The following SPATA22 variants were observed in gnomAD, a reference collection of about 807,000 sequenced individuals.
SPATA22 encodes the protein spermatogenesis associated 22.
In SPATA22, 29 loss-of-function variants were observed where a neutral mutation model predicts 47.8. The observed-to-expected ratio is 0.61, with a 90% CI of 0.45 to 0.83. The LOEUF is 0.83. Ranked by LOEUF, SPATA22 falls within the 40% of genes least tolerant of loss-of-function variation. The pLI, the probability that SPATA22 is intolerant of heterozygous loss-of-function variation, is 0.00. For synonymous variants in SPATA22, 133 were observed against 140.9 expected (o/e 0.94, Z 0.40); for missense variants, 410 against 421.7 (o/e 0.97, Z 0.24).
intron 8 of SPATA22, chr17:3,440,901 G>C (rs1422100693): frequency 6.6e-6 from 1 of 151,934 alleles, no homozygotes; most frequent in Non-Finnish European, 1.5e-5. Context: ...AAGAAACTGA[G>C]CAGAGATTTC....
chr17:3,504,747 CG>C (rs1341738718), intron 1 of SPATA22, among the ~76,000 whole-genome samples: 3 of 151,906 alleles, frequency 2.0e-5, no homozygotes, highest in Non-Finnish European at 2.9e-5. Flanking sequence ...TTAGTAGAGA[CG>C]GGGTTTCTCC....
chr17:3,498,245 C>T (rs2073940159), intron 1 of SPATA22, among the ~76,000 whole-genome samples: 1 of 152,228 alleles, frequency 6.6e-6, no homozygotes, highest in Non-Finnish European at 1.5e-5. Flanking sequence ...GAGCTGGCAA[C>T]AGGCAGACTA....
chr17:3,441,960 A>G (rs749919809), intron 8 of SPATA22: 1 of 152,078 alleles, frequency 6.6e-6, no homozygotes, highest in African/African-American at 2.4e-5. Context: ...AATTGATGAC[A>G]TTAAAAGTCA....
At chr17:3,509,368 CAT>C (rs1450990275) in intron 1 of SPATA22, among the ~76,000 whole-genome samples, 2 of 152,118 alleles carry the variant, frequency 1.3e-5, no homozygotes, top group Non-Finnish European at 2.9e-5. Flanking sequence ...TCTCTGTGTC[CAT>C]ATGTTCTCAA....
At chr17:3,489,632 T>C (rs917123244) in intron 1 of SPATA22, among the ~76,000 whole-genome samples, 1 of 152,122 alleles carries the variant, frequency 6.6e-6, no homozygotes, top group African/African-American at 2.4e-5. Flanking sequence ...CACTAGTAAT[T>C]AGAGAAATGC....
At chr17:3,470,594 C>CA (rs571350853) in intron 1 of SPATA22, among the ~76,000 whole-genome samples, 12 of 150,940 alleles carry the variant, frequency 8.0e-5, no homozygotes, top group African/African-American at 1.9e-4. Flanking sequence ...CTAAAAAATA[C>CA]AAAAAAATTA....
chr17:3,483,658 A>G, intron 1 of SPATA22: 2 of 1,435,496 alleles, frequency 1.4e-6, no homozygotes, highest in Non-Finnish European at 9.8e-7. Flanking sequence ...AGAGAAATTT[A>G]TTTTTTATCT....
At chr17:3,472,529 A>T (rs543731242), upstream of SPATA22, 4 of 152,372 alleles carry the variant, frequency 2.6e-5, no homozygotes, top group East Asian at 7.7e-4. Context: ...TCGCCCTAAA[A>T]ATACTAGAAG....
Position 3,462,590 on chromosome 17 carries a change from A to C in SPATA22, c.234-12T>G, listed in dbSNP as rs985126237. 6.2e-7 allele frequency: 1 copy of C among 1,606,642 alleles called. No individual in the cohort carries two copies. The highest frequency in any genetic ancestry group is 1.3e-5 in the African/African-American group (1 of 74,788). On this transcript the variant is annotated splice_polypyrimidine_tract_variant and intron_variant, in intron 4 of 8. Coordinates refer to ENST00000572969, the MANE Select transcript of SPATA22 (RefSeq NM_001170698.2). ...AATGTGGTATTTGCCTTTCAAGGGA[A>C]TATGTCTTGTTAAATATTAATAGTT...
intron 1 of SPATA22, chr17:3,494,558 T>G (rs1412640824): frequency 2.0e-6 from 2 of 982,802 alleles, no homozygotes; most frequent in Admixed American, 3.5e-5. Flanking sequence ...ATTCGCCCAT[T>G]TGATGCTCTC....
intron 5 of SPATA22, among the ~76,000 whole-genome samples, chr17:3,460,033 G>C (rs996791788): frequency 2.0e-5 from 3 of 152,144 alleles, no homozygotes; most frequent in Non-Finnish European, 4.4e-5. Context: ...AAACAATTCT[G>C]GGTGAATCAG....
chr17:3,462,736 C>T lies in SPATA22; in HGVS notation c.204G>A (p.Leu68=). Residue 68 remains leucine (L), a synonymous_variant, in exon 4 of 9, where the codon TTG becomes TTA. Transcript: ENST00000572969. Reference sequence around the variant, plus strand: ...TGTCCACTGTTTTCATTACAGGAGCCAACTCTGGATTCACAGCTTCCCAGG... The same window carrying T: ...TGTCCACTGTTTTCATTACAGGAGCTAACTCTGGATTCACAGCTTCCCAGG... The part of the protein sequence containing the change: ...DWAWEAVNPE[L]APVMKTVDTG... 1 of 1,613,526 alleles carries T rather than the reference C, an allele frequency of 6.2e-7. No homozygotes were observed. The highest frequency in any genetic ancestry group is 1.1e-5 in the South Asian group (1 of 91,058).
chr17:3,464,885 G>A (rs867657880), intron 3 of SPATA22, among the ~76,000 whole-genome samples: 1,115 of 79,350 alleles, frequency 0.014, 10 homozygotes, highest in Non-Finnish European at 0.027. Flanking sequence ...TCTGGGAGGG[G>A]GGTGGGGGGG....
chr17:3,506,886 A>G (rs1053581054), intron 1 of SPATA22, among the ~76,000 whole-genome samples: 10 of 152,034 alleles, frequency 6.6e-5, no homozygotes, highest in Admixed American at 2.0e-4. Flanking sequence ...GGTTGCAGTG[A>G]GCCGAGATCA....
chr17:3,470,943 T>G (rs976587245), intron 1 of SPATA22, among the ~76,000 whole-genome samples: 2 of 151,752 alleles, frequency 1.3e-5, no homozygotes, highest in Non-Finnish European at 2.9e-5. Context: ...TCACCTGAGG[T>G]CGGGAGTTCA....
At chr17:3,495,382 A>C (rs1047756524) in intron 1 of SPATA22, among the ~76,000 whole-genome samples, 12 of 152,256 alleles carry the variant, frequency 7.9e-5, no homozygotes, top group East Asian at 5.8e-4. Context: ...GGATTGAAAA[A>C]CACTGATTGA....
chr17:3,502,842 G>C (rs4790500), intron 1 of SPATA22: 146,908 of 152,328 alleles, frequency 0.96, 71,062 homozygotes, highest in East Asian at 1. Context: ...ACCCTTATTC[G>C]CAGGCAAGGT....
intron 1 of SPATA22, chr17:3,483,698 T>G (rs2073673809): frequency 4.4e-6 from 5 of 1,137,210 alleles, no homozygotes; most frequent in Non-Finnish European, 6.4e-6. Context: ...AGTCTTGCTC[T>G]GTCACCCAGG....
intron 1 of SPATA22, among the ~76,000 whole-genome samples, chr17:3,498,306 C>G (rs903172106): frequency 6.6e-6 from 1 of 152,148 alleles, no homozygotes; most frequent in African/African-American, 2.4e-5. Context: ...TTATAAATCT[C>G]TTTGGCTACA....
Sources: allele counts gnomAD v4.1 joint callset (sites outside exome capture counted in the v4.1 genomes callset), GRCh38; gene constraint gnomAD v4.1.1; transcripts MANE v1.5; gene names NCBI Gene and HGNC (gene_info 2026-07-23, HGNC 2026-07-21).